The following NUF2 variants were observed in gnomAD, a reference collection of about 807,000 sequenced individuals.
NUF2 encodes the protein kinetochore protein Nuf2.
A neutral mutation model predicts 61.8 loss-of-function variants in NUF2; 34 were observed. The observed-to-expected ratio is 0.55, with a 90% CI of 0.42 to 0.73. The LOEUF (loss-of-function observed/expected upper bound fraction) is 0.73, where lower values mean the gene tolerates loss of function less well. Ranked by LOEUF, NUF2 falls within the 30% of genes least tolerant of loss-of-function variation. The pLI is 0.00. For missense variants in NUF2, 445 were observed against 539.1 expected (o/e 0.83, Z 1.73); for synonymous variants, 172 against 181.6 (o/e 0.95, Z 0.42).
At chr1:163,326,715 G>T (rs1045177629) in intron 2 of NUF2, among the ~76,000 whole-genome samples, 21 of 152,020 alleles carry the variant, frequency 1.4e-4, no homozygotes, top group Non-Finnish European at 3.1e-4. Flanking sequence ...TTCTTGTGTT[G>T]GACTTGAAGT....
intron 7 of NUF2, among the ~76,000 whole-genome samples, 177 bp downstream of exon 7, chr1:163,338,270 TCTAA>T (rs972011619): frequency 6.6e-6 from 1 of 151,716 alleles, no homozygotes; most frequent in African/African-American, 2.4e-5. Context: ...TAGTTTTTCT[TCTAA>T]CTCTTAATTA....
At chr1:163,346,514 C>T (rs1386716986) in intron 11 of NUF2, among the ~76,000 whole-genome samples, 1 of 152,000 alleles carries the variant, frequency 6.6e-6, no homozygotes, top group African/African-American at 2.4e-5. Context: ...GACTAAAGAG[C>T]AAGTGGTGTA....
intron 13 of NUF2, among the ~76,000 whole-genome samples, chr1:163,349,518 C>T (rs1651241695): frequency 1.3e-5 from 2 of 152,086 alleles, no homozygotes; most frequent in African/African-American, 4.8e-5. Context: ...ATTTATTATG[C>T]AAAATCCCTT....
chr1:163,331,022 A>AT (rs1650579755), intron 5 of NUF2, among the ~76,000 whole-genome samples: 1 of 94,606 alleles, frequency 1.1e-5, no homozygotes, highest in Non-Finnish European at 2.3e-5. Flanking sequence ...GATGCCTTTT[A>AT]TTCTTTTTTT....
chr1:163,332,760 T>G (rs1265728145), intron 5 of NUF2, among the ~76,000 whole-genome samples: 1 of 152,190 alleles, frequency 6.6e-6, no homozygotes, highest in Non-Finnish European at 1.5e-5. Context: ...GTGATTGCAT[T>G]TAGGGCCCAC....
chr1:163,336,609 C>A, intron 5 of NUF2, 142 bp from the exon 6 acceptor site: 1 of 453,946 alleles, frequency 2.2e-6, no homozygotes, highest in Non-Finnish European at 3.9e-6. Flanking sequence ...TAAGTTAGAG[C>A]AGATTTTCTA....
chr1:163,332,562 C>T (rs1650631454), intron 5 of NUF2, among the ~76,000 whole-genome samples: 11 of 152,088 alleles, frequency 7.2e-5, no homozygotes, highest in Admixed American at 7.2e-4. Flanking sequence ...CTTCAGATGG[C>T]TCTAGGAGAG....
intron 9 of NUF2, among the ~76,000 whole-genome samples, chr1:163,343,444 G>T (rs1288756720): frequency 6.6e-6 from 1 of 152,102 alleles, no homozygotes; most frequent in Non-Finnish European, 1.5e-5. Context: ...CTAAACATAA[G>T]ATCAGAATTA....
intron 8 of NUF2, 92 bp downstream of exon 8, chr1:163,339,569 C>T: frequency 1.4e-6 from 1 of 701,180 alleles, no homozygotes; most frequent in Non-Finnish European, 2.5e-6. Context: ...ACATTGCTTT[C>T]TCTATTACCA....
intron 8 of NUF2, 64 bp downstream of exon 8, chr1:163,339,541 T>G: frequency 1.1e-6 from 1 of 918,396 alleles, no homozygotes; most frequent in East Asian, 2.5e-5. Flanking sequence ...TGGTGGGACA[T>G]ATAGTGGAGG....
intron 13 of NUF2, among the ~76,000 whole-genome samples, chr1:163,351,181 G>C (rs1476016522): frequency 6.6e-6 from 1 of 152,062 alleles, no homozygotes; most frequent in Non-Finnish European, 1.5e-5. Flanking sequence ...TTACAACCCA[G>C]TGCTAAACAC....
chr1:163,346,767 A>T (rs1366185747), intron 11 of NUF2, among the ~76,000 whole-genome samples: 1 of 152,094 alleles, frequency 6.6e-6, no homozygotes, highest in Non-Finnish European at 1.5e-5. Context: ...AGGTGGGAGG[A>T]TCACTTGAGT....
intron 4 of NUF2, 169 bp from the exon 5 acceptor site, chr1:163,328,677 G>C (rs1273347001): frequency 7.6e-6 from 4 of 524,396 alleles, no homozygotes; most frequent in Non-Finnish European, 1.0e-5. Flanking sequence ...AGAAAAAATA[G>C]ATTTCAGTGC....
rs139996430 is a variant in NUF2, at chr1:163,338,030, C to T, written c.446C>T (p.Ala149Val). The part of the protein sequence containing the change: ...MEFLWQYKSS[A>V]DKMQQLNAAH... ...AAATTGCTTTAATAGAAATCCTCTG[C>T]GGACAAAATGCAACAGTTAAACGCC... is the stretch of plus-strand genomic sequence containing the variant. The change falls in exon 7 of 14, where the codon GCG (alanine) becomes GTG (valine). Residue 149 changes from alanine to valine, a missense_variant. Transcript: ENST00000271452. The T allele has an allele frequency of 1.6e-5, 25 of 1,612,142 alleles. No homozygotes were observed. Among genetic ancestry groups the T allele is most frequent in the African/African-American group, 8.0e-5 (6 of 74,768 alleles).
At chr1:163,348,033 A>G in intron 12 of NUF2, 95 bp downstream of exon 12, 1 of 890,252 alleles carries the variant, frequency 1.1e-6, no homozygotes, top group Non-Finnish European at 1.6e-6. Flanking sequence ...GTATTTTCCA[A>G]AAGAGTTTAA....
At chr1:163,349,659 A>G (rs1190988269) in intron 13 of NUF2, among the ~76,000 whole-genome samples, 1 of 152,182 alleles carries the variant, frequency 6.6e-6, no homozygotes, top group Non-Finnish European at 1.5e-5. Context: ...CCCAATTTGT[A>G]AAAATTCTTA....
At chr1:163,348,048 C>A (rs1034868339) in intron 12 of NUF2, 110 bp downstream of exon 12, 1 of 692,832 alleles carries the variant, frequency 1.4e-6, no homozygotes, top group Non-Finnish European at 2.2e-6. Context: ...GTTTAAACAG[C>A]TTTATCTTTA....
rs753099534 is a variant in NUF2 at position 163,336,877 on chromosome 1, A to G, written c.435+29A>G. The G allele has an allele frequency of 5.3e-6, 7 of 1,311,382 alleles. No homozygotes were observed. In the South Asian group the frequency reaches 8.3e-5, roughly 15 times the overall value. 81.2% of individuals were successfully genotyped at this position (1,311,382 alleles called of 1,614,324 possible). ...AGATTTAAATATGTTTTGGGGTTAC[A>G]TGCCAGATCAGTAACATTATTTATG... On this transcript the variant is annotated intron_variant, in intron 6 of 13. Coordinates refer to ENST00000271452, the MANE Select transcript of NUF2 (RefSeq NM_145697.3).
chr1:163,338,237 T>TAAA (rs11330875), intron 7 of NUF2, 144 bp downstream of exon 7: 1,868 of 371,318 alleles, frequency 5.0e-3, no homozygotes, highest in South Asian at 8.9e-3. Flanking sequence ...TGCCTTTTCT[T>TAAA]AAAAAAAAAA....
Sources: allele counts gnomAD v4.1 joint callset (sites outside exome capture counted in the v4.1 genomes callset), GRCh38; gene constraint gnomAD v4.1.1; transcripts MANE v1.5; gene names NCBI Gene and HGNC (gene_info 2026-07-23, HGNC 2026-07-21).